HS3ST4: variants seen among roughly 807,000 people sequenced by gnomAD.
HS3ST4 encodes the protein heparan sulfate-glucosamine 3-sulfotransferase 4, also known as heparan sulfate glucosamine 3-O-sulfotransferase 4.
Under a neutral mutation model 29.2 loss-of-function variants are expected in HS3ST4, and 17 were observed. That is an observed-to-expected ratio of 0.58 (90% CI 0.40 to 0.87). HS3ST4 has a LOEUF of 0.87. Among genes scored for constraint, HS3ST4 ranks in the 40% least tolerant of loss-of-function variants. HS3ST4 has a pLI of 0.00. For missense variants in HS3ST4, 627 were observed against 634.5 expected (o/e 0.99, Z 0.13); for synonymous variants, 314 against 285.7 (o/e 1.10, Z -1.00).
chr16:25,860,969 C>T (rs537378722), intron 1 of HS3ST4, among the ~76,000 whole-genome samples: 9 of 152,090 alleles, frequency 5.9e-5, no homozygotes, highest in East Asian at 5.8e-4. Flanking sequence ...TGGAGGGGGA[C>T]GGGGAGGATA....
chr16:25,727,120 G>A (rs12931909), intron 1 of HS3ST4, among the ~76,000 whole-genome samples: 1 of 152,026 alleles, frequency 6.6e-6, no homozygotes, highest in Non-Finnish European at 1.5e-5. Flanking sequence ...TATGTACTTA[G>A]ATTTAGAGCA....
At chr16:26,014,039 T>TAAATAAATAAAA (rs1209893236) in intron 1 of HS3ST4, among the ~76,000 whole-genome samples, 22 of 151,618 alleles carry the variant, frequency 1.5e-4, no homozygotes, top group Middle Eastern at 3.4e-3. Context: ...AATAAATAAA[T>TAAATAAATAAAA]AAAACAAAAA....
At chr16:25,759,174 C>T (rs549621274) in intron 1 of HS3ST4, among the ~76,000 whole-genome samples, 1 of 152,232 alleles carries the variant, frequency 6.6e-6, no homozygotes, top group East Asian at 1.9e-4. Flanking sequence ...AGGTGACTGA[C>T]AAATGATCAG....
intron 1 of HS3ST4, among the ~76,000 whole-genome samples, chr16:25,787,686 G>A (rs1463588150): frequency 6.6e-6 from 1 of 152,204 alleles, no homozygotes; most frequent in Non-Finnish European, 1.5e-5. Flanking sequence ...CACCTTTGTG[G>A]GGCTGAGGTG....
intron 1 of HS3ST4, chr16:26,032,609 T>A (rs200757532): frequency 7.2e-6 from 10 of 1,383,528 alleles, no homozygotes; most frequent in African/African-American, 1.4e-5. Flanking sequence ...TTCTGCAGGG[T>A]TATTCCCCTC....
intron 1 of HS3ST4, among the ~76,000 whole-genome samples, chr16:25,981,959 C>A (rs570430098): frequency 2.6e-5 from 4 of 152,338 alleles, no homozygotes; most frequent in East Asian, 1.9e-4. Flanking sequence ...CAGCTGCAGT[C>A]ACTTTCCATG....
At chr16:26,107,411 G>C (rs566085998) in intron 1 of HS3ST4, among the ~76,000 whole-genome samples, 5 of 152,022 alleles carry the variant, frequency 3.3e-5, no homozygotes, top group African/African-American at 1.2e-4. Context: ...TATTTCAATA[G>C]CTTTTGGGGT....
intron 1 of HS3ST4, among the ~76,000 whole-genome samples, chr16:25,979,775 A>G (rs1187651965): frequency 2.6e-5 from 4 of 152,212 alleles, no homozygotes; most frequent in African/African-American, 4.8e-5. Context: ...CTAGTGCCAA[A>G]AAGTTTGGGA....
At chr16:26,134,357 C>CT (rs1167036022) in intron 1 of HS3ST4, among the ~76,000 whole-genome samples, 7,175 of 106,172 alleles carry the variant, frequency 0.068, 184 homozygotes, top group African/African-American at 0.13. Context: ...CTTTTCTTTT[C>CT]TTTTCTTTTT....
intron 1 of HS3ST4, among the ~76,000 whole-genome samples, chr16:25,831,889 G>A (rs1967305720): frequency 6.6e-6 from 1 of 151,426 alleles, no homozygotes; most frequent in South Asian, 2.1e-4. Flanking sequence ...GAGGATTGCT[G>A]GGGTCCAGGA....
intron 1 of HS3ST4, among the ~76,000 whole-genome samples, chr16:26,014,301 A>G (rs1157617041): frequency 6.6e-6 from 1 of 152,204 alleles, no homozygotes; most frequent in Non-Finnish European, 1.5e-5. Flanking sequence ...AAATGAATGA[A>G]TGAAAGTTCT....
At chr16:25,823,440 T>C (rs1967183135) in intron 1 of HS3ST4, among the ~76,000 whole-genome samples, 1 of 152,228 alleles carries the variant, frequency 6.6e-6, no homozygotes, top group African/African-American at 2.4e-5. Context: ...GGATGAGGTA[T>C]GTAGTTCATT....
chr16:25,922,891 G>A (rs1177679103), intron 1 of HS3ST4, among the ~76,000 whole-genome samples: 1 of 152,162 alleles, frequency 6.6e-6, no homozygotes, highest in Non-Finnish European at 1.5e-5. Flanking sequence ...CTTTCCTTGG[G>A]CTGTGCGTCT....
At chr16:26,132,167 A>T (rs576564678) in intron 1 of HS3ST4, among the ~76,000 whole-genome samples, 1 of 152,300 alleles carries the variant, frequency 6.6e-6, no homozygotes, top group African/African-American at 2.4e-5. Context: ...TTACTGTTAC[A>T]TTACCCATAG....
At chr16:25,866,835 A>G (rs1367598354) in intron 1 of HS3ST4, among the ~76,000 whole-genome samples, 1 of 152,110 alleles carries the variant, frequency 6.6e-6, no homozygotes, top group Non-Finnish European at 1.5e-5. Flanking sequence ...ATTAAAAAAC[A>G]GAAACATTTG....
chr16:25,709,422 G>C (rs527589699), intron 1 of HS3ST4, among the ~76,000 whole-genome samples: 34 of 152,220 alleles, frequency 2.2e-4, no homozygotes, highest in Admixed American at 3.9e-4. Context: ...GAGGCCCCTG[G>C]ATCTGGTTAT....
At chr16:25,904,797 A>G (rs1156364864) in intron 1 of HS3ST4, among the ~76,000 whole-genome samples, 2 of 152,212 alleles carry the variant, frequency 1.3e-5, no homozygotes, top group African/African-American at 2.4e-5. Flanking sequence ...AGCGGGGCTC[A>G]TGTATAAAAA....
intron 1 of HS3ST4, among the ~76,000 whole-genome samples, chr16:25,881,457 T>G (rs1372217702): frequency 6.6e-6 from 1 of 152,098 alleles, no homozygotes; most frequent in Non-Finnish European, 1.5e-5. Context: ...ACAAATTAGT[T>G]TAAAATAAAA....
At chr16:25,914,015 G>A (rs1402314348) in intron 1 of HS3ST4, among the ~76,000 whole-genome samples, 2 of 150,834 alleles carry the variant, frequency 1.3e-5, no homozygotes, top group Non-Finnish European at 3.0e-5. Context: ...GTGTGTGTAT[G>A]TGGATGTGGA....
Sources: allele counts gnomAD v4.1 joint callset (sites outside exome capture counted in the v4.1 genomes callset), GRCh38; gene constraint gnomAD v4.1.1; transcripts MANE v1.5; gene names NCBI Gene and HGNC (gene_info 2026-07-23, HGNC 2026-07-21).